CR1: variants seen among roughly 807,000 people sequenced by gnomAD.
CR1 encodes complement receptor type 1.
In CR1, 116 loss-of-function variants were observed where a neutral mutation model predicts 187.3. The observed-to-expected ratio is 0.62, with a 90% CI of 0.53 to 0.72. The LOEUF is 0.72. Among genes scored for constraint, CR1 ranks in the 30% least tolerant of loss-of-function variants. CR1 has a pLI of 0.00. For missense variants in CR1, 1,731 were observed against 2,110.7 expected (o/e 0.82, Z 3.52); for synonymous variants, 576 against 747.1 (o/e 0.77, Z 3.73).
At chr1:207,508,161 G>A (rs184283360) in intron 3 of CR1, among the ~76,000 whole-genome samples, 3 of 152,320 alleles carry the variant, frequency 2.0e-5, no homozygotes, top group East Asian at 3.9e-4. Flanking sequence ...TGAATCGGAA[G>A]AGCACAGAGG....
intron 34 of CR1, among the ~76,000 whole-genome samples, chr1:207,588,467 C>A (rs965879135): frequency 6.6e-6 from 1 of 152,106 alleles, no homozygotes; most frequent in Non-Finnish European, 1.5e-5. Context: ...CCATACATAA[C>A]CTTTATTAGG....
chr1:207,591,719 G>A (rs972628093), intron 35 of CR1, among the ~76,000 whole-genome samples: 1 of 147,912 alleles, frequency 6.8e-6, no homozygotes, highest in African/African-American at 2.5e-5. Context: ...TAAAGAAAAA[G>A]AGAGAAGAAT....
intron 41 of CR1, 84 bp downstream of exon 41, chr1:207,616,886 T>A: frequency 6.5e-7 from 1 of 1,538,232 alleles, no homozygotes; most frequent in Non-Finnish European, 8.8e-7. Context: ...CAGTCATTTT[T>A]GCTTGTGAAA....
At chr1:207,622,537 G>A (rs1662343500) in intron 44 of CR1, among the ~76,000 whole-genome samples, 1 of 152,198 alleles carries the variant, frequency 6.6e-6, no homozygotes, top group South Asian at 2.1e-4. Context: ...ACTTGTCCAA[G>A]ACCACAGAAT....
In CR1 at chr1:207,609,400, G is replaced by C; in HGVS notation, c.6007G>C (p.Asp2003His). The C allele has an allele frequency of 6.2e-7, 1 of 1,614,006 alleles. No individual in the cohort carries two copies. The highest frequency in any genetic ancestry group is 8.5e-7 in the Non-Finnish European group (1 of 1,179,886). ...VVTYQCHTGP[D>H]GEQLFELVGE... The stretch of plus-strand genomic sequence containing the variant: ...AACTTACCAGTGCCACACTGGACCA[G>C]ATGGAGAACAGCTGTTTGAGCTTGT... The change falls in exon 37 of 47, where the codon GAT becomes CAT. Residue 2003 changes from aspartate to histidine, a missense_variant. Coordinates refer to ENST00000367049, the MANE Select transcript of CR1 (RefSeq NM_000651.6).
chr1:207,630,141 C>A (rs1662596823), intron 45 of CR1, among the ~76,000 whole-genome samples: 1 of 152,254 alleles, frequency 6.6e-6, no homozygotes, highest in African/African-American at 2.4e-5. Flanking sequence ...AAAAGGAAGC[C>A]TCGTGTAACA....
rs1489844815 is a variant in CR1 at position 207,567,833 on chromosome 1, G to A, written c.3962G>A (p.Cys1321Tyr). 1.2e-6 allele frequency: 2 copies of A among 1,610,988 alleles called. No homozygotes were observed. Among genetic ancestry groups the A allele is most frequent in the African/African-American group, 1.4e-5 (1 of 72,498 alleles). Residue 1321 changes from cysteine to tyrosine, a missense_variant, in exon 25 of 47, where the codon TGT (cysteine) becomes TAT (tyrosine). By Grantham distance (194) the Cys-to-Tyr change is radical. This residue lies in a region of CR1 where 1,312 missense variants were observed against 1,379.6 expected (regional missense o/e 0.95). Coordinates refer to ENST00000367049, the MANE Select transcript of CR1 (RefSeq NM_000651.6). Reference protein sequence around the residue: ...SSVPVCEQIFCPSPPVIPNGR... With the variant: ...SSVPVCEQIFYPSPPVIPNGR... ...TTTGTATGTTTTCTAGAAATCTTTT[G>A]TCCAAGTCCTCCAGTTATTCCTAAT...
chr1:207,581,435 A>G (rs149379970), intron 31 of CR1, among the ~76,000 whole-genome samples: 11 of 150,816 alleles, frequency 7.3e-5, no homozygotes, highest in African/African-American at 2.4e-4. Context: ...GTATATATAC[A>G]TATGTATATA....
At chr1:207,504,865 G>C (rs1659380911) in intron 1 of CR1, among the ~76,000 whole-genome samples, 1 of 152,290 alleles carries the variant, frequency 6.6e-6, no homozygotes, top group East Asian at 1.9e-4. Flanking sequence ...TAGGAAATGG[G>C]CAGAACAGTA....
At chr1:207,511,814 T>G (rs1279517192) in intron 4 of CR1, among the ~76,000 whole-genome samples, 160 bp downstream of exon 4, 2 of 152,232 alleles carry the variant, frequency 1.3e-5, no homozygotes, top group Non-Finnish European at 2.9e-5. Flanking sequence ...TCCTGGCAAC[T>G]CTTTCTTTAA....
chr1:207,598,441 G>A (rs1571577906), intron 35 of CR1, among the ~76,000 whole-genome samples: 1 of 148,470 alleles, frequency 6.7e-6, no homozygotes, highest in East Asian at 2.0e-4. Flanking sequence ...TTTCTTTTGA[G>A]ATGGAGTCTC....
chr1:207,606,536 C>T (rs1046619590), intron 35 of CR1: 1 of 152,158 alleles, frequency 6.6e-6, no homozygotes, highest in South Asian at 2.1e-4. Flanking sequence ...TCCATTTTAC[C>T]CTTTAATTTT....
intron 35 of CR1, among the ~76,000 whole-genome samples, chr1:207,603,237 C>A (rs941525777): frequency 6.6e-5 from 10 of 152,042 alleles, no homozygotes; most frequent in Non-Finnish European, 1.5e-4. Flanking sequence ...CTGGTAACCA[C>A]CTTTCTACTC....
chr1:207,587,487 C>T lies in CR1; in HGVS notation c.5632C>T (p.Pro1878Ser), dbSNP rs377376915. 16 of 1,613,842 alleles carry T rather than the reference C, an allele frequency of 9.9e-6. No homozygotes were observed. Among genetic ancestry groups the T allele is most frequent in the Non-Finnish European group, 1.3e-5 (15 of 1,179,838 alleles). ...VGTSLNYECRPGYFGKMFSIS... is the reference protein window; with the variant it reads ...VGTSLNYECRSGYFGKMFSIS... ...GACATCTTTGAATTATGAATGCCGT[C>T]CTGGGTATTTTGGGAAAATGTTCTC... Residue 1878 changes from proline to serine, a missense_variant, in exon 34 of 47, where the codon CCT becomes TCT. Transcript: ENST00000367049.
Position 207,565,818 on chromosome 1 carries a change from A to C in CR1, c.3867-20A>C, listed in dbSNP as rs533287304. Reference sequence around the variant, plus strand: ...TCTTGGCTGAAACAGCTCACTATTCACTCCTATTTTCTTCTTTAGATTTCA... The same window carrying C: ...TCTTGGCTGAAACAGCTCACTATTCCCTCCTATTTTCTTCTTTAGATTTCA... On this transcript the variant is annotated intron_variant, in intron 23 of 46. Coordinates refer to ENST00000367049, the MANE Select transcript of CR1 (RefSeq NM_000651.6). 1 of 1,609,614 alleles carries C rather than the reference A, an allele frequency of 6.2e-7. No homozygotes were observed. Among genetic ancestry groups the C allele is most frequent in the East Asian group, 2.2e-5 (1 of 44,824 alleles).
chr1:207,577,725 T>C, intron 28 of CR1, 80 bp from the exon 29 acceptor site: 1 of 1,577,236 alleles, frequency 6.3e-7, no homozygotes, highest in South Asian at 1.1e-5. Context: ...GCCATGATTG[T>C]GCCACTGCAC....
At chr1:207,525,716 T>C (rs1217325859) in intron 5 of CR1, among the ~76,000 whole-genome samples, 1 of 152,020 alleles carries the variant, frequency 6.6e-6, no homozygotes, top group East Asian at 1.9e-4. Flanking sequence ...CAAAAGACAG[T>C]GCAGAAGTGT....
chr1:207,596,077 A>ATATC (rs1661432621), intron 35 of CR1, among the ~76,000 whole-genome samples: 1 of 129,536 alleles, frequency 7.7e-6, no homozygotes, highest in Admixed American at 8.2e-5. Flanking sequence ...ATCTATATCT[A>ATATC]TATATATATA....
intron 35 of CR1, among the ~76,000 whole-genome samples, chr1:207,589,021 G>A (rs1661192593): frequency 1.3e-5 from 2 of 152,226 alleles, no homozygotes; most frequent in African/African-American, 4.8e-5. Flanking sequence ...TGGTACATGT[G>A]AAACCTGGTC....
Sources: allele counts gnomAD v4.1 joint callset (sites outside exome capture counted in the v4.1 genomes callset), GRCh38; gene constraint gnomAD v4.1.1; regional missense constraint gnomAD v4.1.1; transcripts MANE v1.5; gene names NCBI Gene and HGNC (gene_info 2026-07-23, HGNC 2026-07-21).